The following PDE1A variants were observed in gnomAD, a reference collection of about 807,000 sequenced individuals.
PDE1A encodes the protein phosphodiesterase 1A.
PDE1A carries 35 observed loss-of-function variants against 61.7 expected under a neutral mutation model. The ratio of observed to expected loss-of-function variants is 0.57; its 90% CI spans 0.43 to 0.75. The LOEUF (loss-of-function observed/expected upper bound fraction) is 0.75, where lower values mean the gene tolerates loss of function less well. PDE1A is among the 30% of genes least tolerant of loss of function. The probability of loss-of-function intolerance (pLI) is 0.00; values close to 1 mark genes in which losing one functional copy is unlikely to be tolerated. For missense variants in PDE1A, 597 were observed against 630.6 expected, an observed-to-expected ratio of 0.95 and a Z score of 0.57; for synonymous variants, 232 against 213.2, an observed-to-expected ratio of 1.09 and a Z score of -0.77.
At chr2:182,439,134 TA>T (rs1002636391) in intron 2 of PDE1A, among the ~76,000 whole-genome samples, 21 of 152,020 alleles carry the variant, frequency 1.4e-4, no homozygotes, top group African/African-American at 4.8e-4. Flanking sequence ...GAGGATGGTG[TA>T]AGAAGACCCA....
chr2:182,247,979 C>A (rs919503905), intron 2 of PDE1A, among the ~76,000 whole-genome samples: 5 of 152,058 alleles, frequency 3.3e-5, no homozygotes, highest in Non-Finnish European at 5.9e-5. Flanking sequence ...AAAATGAAGA[C>A]TTTGTTTTTA....
upstream of PDE1A, among the ~76,000 whole-genome samples, chr2:182,430,240 G>T (rs1703864904): frequency 7.0e-6 from 1 of 143,394 alleles, no homozygotes; most frequent in Non-Finnish European, 1.5e-5. Flanking sequence ...AATCTACAAT[G>T]AACTCAAACA....
intron 2 of PDE1A, among the ~76,000 whole-genome samples, chr2:182,250,915 T>G (rs959413024): frequency 6.6e-6 from 1 of 152,024 alleles, no homozygotes; most frequent in Non-Finnish European, 1.5e-5. Flanking sequence ...CAAAGAATGT[T>G]GAGGGGAAGG....
At chr2:182,157,345 A>T (rs1351032142) in intron 13 of PDE1A, among the ~76,000 whole-genome samples, 3 of 152,052 alleles carry the variant, frequency 2.0e-5, no homozygotes, top group Non-Finnish European at 4.4e-5. Flanking sequence ...CTCCATCCTG[A>T]AACACCATGG....
At chr2:182,545,985 G>A in the PDE1A span, among the ~76,000 whole-genome samples, 1 of 152,176 alleles carries the variant, frequency 6.6e-6, no homozygotes, top group South Asian at 2.1e-4. Flanking sequence ...AGACGAAAGT[G>A]ACCTTTTCAA....
chr2:182,173,618 A>C (rs1309985373), intron 13 of PDE1A, among the ~76,000 whole-genome samples: 1 of 151,892 alleles, frequency 6.6e-6, no homozygotes, highest in Non-Finnish European at 1.5e-5. Context: ...GATCTCATTT[A>C]AACTTCTAAT....
intron 2 of PDE1A, among the ~76,000 whole-genome samples, chr2:182,440,789 G>T (rs201869472): frequency 2.0e-5 from 3 of 149,972 alleles, no homozygotes; most frequent in Non-Finnish European, 1.5e-5. Flanking sequence ...ATTTTCATGG[G>T]TTTTTTTTTG....
intron 2 of PDE1A, among the ~76,000 whole-genome samples, chr2:182,468,318 ATC>A (rs1452041172): frequency 2.6e-5 from 4 of 151,994 alleles, no homozygotes; most frequent in African/African-American, 9.7e-5. Context: ...ACAAGTTTAT[ATC>A]TGTTATTGTC....
At chr2:182,364,466 TAAAAAAAA>T (rs201821721) in intron 1 of PDE1A, among the ~76,000 whole-genome samples, 843 of 35,830 alleles carry the variant, frequency 0.024, 18 homozygotes, top group African/African-American at 0.071. Flanking sequence ...AACACTTTGG[TAAAAAAAA>T]AAAAAAAAAA....
the PDE1A span, among the ~76,000 whole-genome samples, chr2:182,671,361 T>TTCC: frequency 1.8e-5 from 2 of 114,206 alleles, no homozygotes; most frequent in Non-Finnish European, 3.5e-5. Flanking sequence ...TTTTTTTTTT[T>TTCC]GTATTTTTAG....
chr2:182,407,693 G>A (rs998632825), intron 1 of PDE1A, among the ~76,000 whole-genome samples: 7 of 151,982 alleles, frequency 4.6e-5, no homozygotes, highest in Non-Finnish European at 7.4e-5. Context: ...CATACTTTAC[G>A]TAGCATATTT....
chr2:182,161,360 AATGGAATTATCT>A (rs1691371225), intron 13 of PDE1A, among the ~76,000 whole-genome samples: 1 of 151,816 alleles, frequency 6.6e-6, no homozygotes, highest in Non-Finnish European at 1.5e-5. Context: ...GGAAAAAAAA[AATGGAATTATCT>A]AAATGGGGAT....
chr2:182,661,500 C>T, the PDE1A span, among the ~76,000 whole-genome samples: 1 of 152,040 alleles, frequency 6.6e-6, no homozygotes, highest in South Asian at 2.1e-4. Context: ...AGAAACATTG[C>T]CATTAAAAGC....
intron 10 of PDE1A, among the ~76,000 whole-genome samples, chr2:182,198,462 T>TGAA (rs1316127011): frequency 2.0e-5 from 3 of 151,944 alleles, no homozygotes; most frequent in Non-Finnish European, 4.4e-5. Flanking sequence ...TATTTCATTG[T>TGAA]GAAGTATCAC....
At chr2:182,672,865 G>A in the PDE1A span, among the ~76,000 whole-genome samples, 1 of 152,174 alleles carries the variant, frequency 6.6e-6, no homozygotes, top group Non-Finnish European at 1.5e-5. Context: ...ATTTTAATGT[G>A]TAATAAGAAT....
intron 2 of PDE1A, among the ~76,000 whole-genome samples, chr2:182,245,104 C>G (rs1690851317): frequency 6.6e-6 from 1 of 152,092 alleles, no homozygotes; most frequent in Admixed American, 6.5e-5. Context: ...TTAATTTTTC[C>G]TTTTTGAATA....
chr2:182,335,832 C>A (rs1309269524), intron 1 of PDE1A, among the ~76,000 whole-genome samples: 1 of 152,098 alleles, frequency 6.6e-6, no homozygotes, highest in Admixed American at 6.5e-5. Flanking sequence ...GAACAGGCAA[C>A]CTATAGAATG....
At chr2:182,241,852 T>C in intron 2 of PDE1A, 1 of 1,548,920 alleles carries the variant, frequency 6.5e-7, no homozygotes, top group Non-Finnish European at 8.7e-7. Flanking sequence ...ATGGTTTTGA[T>C]TTACCCCTAA....
At chr2:182,291,360 A>C (rs1323148485) in intron 1 of PDE1A, among the ~76,000 whole-genome samples, 1 of 152,184 alleles carries the variant, frequency 6.6e-6, no homozygotes, top group Non-Finnish European at 1.5e-5. Context: ...ACTAGATCAA[A>C]TGTTTACTTC....
Sources: gnomAD v4.1 joint callset for allele counts (sites outside exome capture counted in the v4.1 genomes callset) on GRCh38, gnomAD v4.1.1 for gene constraint, MANE v1.5 for transcripts, NCBI Gene and HGNC (gene_info 2026-07-23, HGNC 2026-07-21) for gene names.